The following SHCBP1L variants were observed in gnomAD, a reference collection of about 807,000 sequenced individuals.
SHCBP1L encodes testicular spindle-associated protein SHCBP1L.
In SHCBP1L, 67 loss-of-function variants were observed where a neutral mutation model predicts 62.5. That is an observed-to-expected ratio of 1.07 (90% CI 0.88 to 1.31). SHCBP1L has a LOEUF of 1.31. Ranked by LOEUF, SHCBP1L falls within the 40% of genes most tolerant of loss-of-function variation. The pLI is 0.00. For synonymous variants in SHCBP1L, 284 were observed against 289.4 expected (o/e 0.98, Z 0.19); for missense variants, 823 against 809.8 (o/e 1.02, Z -0.20).
intron 6 of SHCBP1L, 23 bp from the exon 7 acceptor site, chr1:182,905,672 C>A (rs144795527): frequency 1.2e-6 from 2 of 1,604,072 alleles, no homozygotes; most frequent in African/African-American, 2.7e-5. Context: ...AAAACACTTG[C>A]GCTTTCAATA....
rs779888910 is a variant in SHCBP1L, at chr1:182,939,481, T to C, written c.843A>G (p.Glu281=). 5.6e-6 allele frequency: 9 copies of C among 1,605,468 alleles called. No homozygotes were observed. The highest frequency in any genetic ancestry group is 1.3e-5 in the African/African-American group (1 of 74,494). The change falls in exon 4 of 10, where the codon GAA becomes GAG. Residue 281 remains glutamate, a synonymous_variant. Coordinates refer to ENST00000367547, the MANE Select transcript of SHCBP1L (RefSeq NM_030933.4). ...ACTATACTTACAAATTAATTCTTTC[T>C]TCAATAAGTGCAGTATAATTCTCAC... ...ESCENYTALI[E]ERINLWCDIQ... is the part of the protein sequence containing the mutation.
intron 2 of SHCBP1L, among the ~76,000 whole-genome samples, chr1:182,948,011 A>G (rs1651618031): frequency 6.6e-6 from 1 of 152,212 alleles, no homozygotes; most frequent in Admixed American, 6.5e-5. Flanking sequence ...TCTTTTCTCT[A>G]GCTTACTTTA....
chr1:182,911,458 C>CA (rs1447471973), intron 6 of SHCBP1L, among the ~76,000 whole-genome samples: 2 of 151,340 alleles, frequency 1.3e-5, no homozygotes, highest in Admixed American at 6.6e-5. Flanking sequence ...GCAAGACATA[C>CA]AAAAAAAATA....
intron 2 of SHCBP1L, among the ~76,000 whole-genome samples, chr1:182,945,740 T>C (rs1216014105): frequency 6.6e-6 from 1 of 152,212 alleles, no homozygotes; most frequent in Non-Finnish European, 1.5e-5. Context: ...TACATTTTCA[T>C]AGCTTTTTAA....
intron 6 of SHCBP1L, among the ~76,000 whole-genome samples, chr1:182,918,231 T>C (rs562285522): frequency 1.1e-4 from 17 of 148,232 alleles, no homozygotes; most frequent in African/African-American, 4.2e-4. Context: ...TACACATATA[T>C]ATATACATAT....
chr1:182,929,485 C>CATTT (rs1265020838), intron 6 of SHCBP1L, among the ~76,000 whole-genome samples, 162 bp downstream of exon 6: 1 of 152,074 alleles, frequency 6.6e-6, no homozygotes, highest in Non-Finnish European at 1.5e-5. Context: ...TAGTTGTCAC[C>CATTT]ATTTATTTAT....
At chr1:182,951,991 TAA>T in intron 1 of SHCBP1L, 6 of 272,220 alleles carry the variant, frequency 2.2e-5, no homozygotes, top group Admixed American at 4.2e-5. Context: ...CCATCTGTAC[TAA>T]AAAAAAATAC....
chr1:182,924,708 GAAAGA>G (rs1650631282), intron 6 of SHCBP1L, among the ~76,000 whole-genome samples: 6 of 32,210 alleles, frequency 1.9e-4, no homozygotes, highest in Non-Finnish European at 2.9e-4. Context: ...AAGGAAGAAA[GAAAGA>G]AAGAAAGAAA....
intron 6 of SHCBP1L, among the ~76,000 whole-genome samples, chr1:182,927,619 G>C (rs1269204436): frequency 2.0e-5 from 3 of 148,228 alleles, no homozygotes; most frequent in Non-Finnish European, 4.4e-5. Context: ...TTGCAGTGAG[G>C]CGAGATCACG....
intron 6 of SHCBP1L, among the ~76,000 whole-genome samples, chr1:182,924,942 GAAAGA>G (rs1284420657): frequency 1.3e-3 from 137 of 104,602 alleles, no homozygotes; most frequent in African/African-American, 4.9e-3. Flanking sequence ...AAGGAAGAAA[GAAAGA>G]AAGAAAGAAA....
intron 6 of SHCBP1L, among the ~76,000 whole-genome samples, chr1:182,908,369 A>G (rs1176087047): frequency 6.9e-6 from 1 of 144,888 alleles, no homozygotes; most frequent in Admixed American, 7.3e-5. Flanking sequence ...AACATGCAGT[A>G]TTTGGTTTTC....
At chr1:182,931,360 A>G (rs1650991150) in intron 5 of SHCBP1L, among the ~76,000 whole-genome samples, 1 of 152,168 alleles carries the variant, frequency 6.6e-6, no homozygotes, top group Admixed American at 6.5e-5. Context: ...AATCAAAGGT[A>G]TATATAGGTG....
At chr1:182,927,047 G>C (rs1052771970) in intron 6 of SHCBP1L, among the ~76,000 whole-genome samples, 1 of 98,010 alleles carries the variant, frequency 1.0e-5, no homozygotes, top group Non-Finnish European at 1.9e-5. Flanking sequence ...CTCTTAACTA[G>C]CACTATATAT....
intron 6 of SHCBP1L, among the ~76,000 whole-genome samples, chr1:182,915,305 G>A (rs985150863): frequency 2.0e-4 from 30 of 148,948 alleles, no homozygotes; most frequent in African/African-American, 6.9e-4. Flanking sequence ...ACTAACATTA[G>A]ATAAAATAGA....
chr1:182,949,665 C>G (rs1651682538), intron 2 of SHCBP1L, among the ~76,000 whole-genome samples: 1 of 151,382 alleles, frequency 6.6e-6, no homozygotes, highest in Admixed American at 6.6e-5. Flanking sequence ...CCACTGCACT[C>G]CAGCCTGGGC....
At chr1:182,946,883 C>G (rs114861343) in intron 2 of SHCBP1L, among the ~76,000 whole-genome samples, 3,836 of 152,230 alleles carry the variant, frequency 0.025, 61 homozygotes, top group Non-Finnish European at 0.035. Context: ...CTGTTTTACA[C>G]GTTGATGTTT....
At chr1:182,945,148 G>T (rs1385017832) in intron 2 of SHCBP1L, among the ~76,000 whole-genome samples, 1 of 151,812 alleles carries the variant, frequency 6.6e-6, no homozygotes, top group Non-Finnish European at 1.5e-5. Flanking sequence ...ATTTTTAGTA[G>T]AGATGGGGTT....
At position 182,900,156 on chromosome 1, in the gene SHCBP1L, G is replaced by T. The variant is rs771423171; in HGVS notation, c.1789C>A (p.Pro597Thr). ...NKGYGVSILQ[P>T]MEQFFIVAEE... ...GCTACGATAAAAAACTGTTCCATTGGTTGAAGAATGCTTACTCCATAGCCT... is the reference window on the plus strand; with the variant it reads ...GCTACGATAAAAAACTGTTCCATTGTTTGAAGAATGCTTACTCCATAGCCT... Residue 597 changes from proline to threonine, a missense_variant, in exon 10 of 10, where the codon CCA becomes ACA. Coordinates refer to ENST00000367547, the MANE Select transcript of SHCBP1L (RefSeq NM_030933.4). 1.9e-6 allele frequency: 3 copies of T among 1,612,204 alleles called. No homozygotes were observed. The highest frequency in any genetic ancestry group is 4.5e-5 in the East Asian group (2 of 44,746).
At chr1:182,950,237 C>T (rs939601660) in intron 2 of SHCBP1L, among the ~76,000 whole-genome samples, 15 of 152,178 alleles carry the variant, frequency 9.9e-5, no homozygotes, top group African/African-American at 3.1e-4. Context: ...GTAAGGGTAT[C>T]ATTTGTGGTT....
Sources: gnomAD v4.1 joint callset for allele counts (sites outside exome capture counted in the v4.1 genomes callset) on GRCh38, gnomAD v4.1.1 for gene constraint, MANE v1.5 for transcripts, NCBI Gene and HGNC (gene_info 2026-07-23, HGNC 2026-07-21) for gene names.